ZNF557: variants seen among roughly 807,000 people sequenced by gnomAD.
ZNF557 encodes zinc finger protein 557.
A neutral mutation model predicts 21.2 loss-of-function variants in ZNF557; 19 were observed. The observed-to-expected ratio is 0.90, with a 90% CI of 0.63 to 1.32. The LOEUF (loss-of-function observed/expected upper bound fraction) is 1.32, where lower values mean the gene tolerates loss of function less well. Among genes scored for constraint, ZNF557 ranks in the 40% most tolerant of loss-of-function variants. ZNF557 has a pLI of 0.00. For synonymous variants in ZNF557, 207 were observed against 194.8 expected (o/e 1.06, Z -0.52); for missense variants, 487 against 519.8 (o/e 0.94, Z 0.61).
chr19:7,081,406 A>G lies in ZNF557; in HGVS notation c.294A>G (p.Glu98=), dbSNP rs766846013. ...GGCTGATCTCCCAGCTGGAGCAAGA[A>G]GATAAAGTGATGACAGAAGAGAGAG... The part of the protein sequence containing the change: ...KPRLISQLEQ[E]DKVMTEERGI... Residue 98 remains glutamate (E), a synonymous_variant, in exon 6 of 8, where the codon GAA becomes GAG. Transcript: ENST00000252840. 6.2e-7 allele frequency: 1 copy of G among 1,614,016 alleles called. No homozygotes were observed. Among genetic ancestry groups the G allele is most frequent in the Non-Finnish European group, 8.5e-7 (1 of 1,179,948 alleles).
At position 7,076,490 on chromosome 19, in the gene ZNF557, G is replaced by A; in HGVS notation, c.230G>A (p.Arg77Lys). The change falls in exon 5 of 8, where the codon AGG (arginine) becomes AAG (lysine). Residue 77 changes from arginine (R) to lysine (K), a missense_variant. By Grantham distance (26) the Arg-to-Lys change is conservative. Coordinates refer to ENST00000252840, the MANE Select transcript of ZNF557 (RefSeq NM_024341.3). ...AGGGACGTGATGCTGGAGAACTGCA[G>A]GAACCTGGCCTCACTGGGTAAGCCT... ...LYRDVMLENCRNLASLGNQVD... is the reference protein window; with the variant it reads ...LYRDVMLENCKNLASLGNQVD... 6.2e-7 allele frequency: 1 copy of A among 1,614,108 alleles called. No homozygotes were observed. Among genetic ancestry groups the A allele is most frequent in the South Asian group, 1.1e-5 (1 of 91,078 alleles).
intron 2 of ZNF557, among the ~76,000 whole-genome samples, chr19:7,071,989 G>A (rs1210388595): frequency 6.7e-6 from 1 of 150,366 alleles, no homozygotes; most frequent in Non-Finnish European, 1.5e-5. Context: ...GGTGGCAGGC[G>A]CCTGTAGTCC....
In ZNF557 at chr19:7,083,211, C is replaced by T. The variant is rs371721869; in HGVS notation, c.760C>T (p.His254Tyr). The change falls in exon 8 of 8, where the codon CAC becomes TAC. Residue 254 changes from histidine to tyrosine, a missense_variant. His to Tyr is a moderately conservative substitution (Grantham distance 83). Transcript: ENST00000252840. Reference sequence around the variant, plus strand: ...CAGCAATTCCTCATACCTCAGACCGCACTTGAGAATTCACACTGGAGAAAA... The same window carrying T: ...CAGCAATTCCTCATACCTCAGACCGTACTTGAGAATTCACACTGGAGAAAA... ...TFSNSSYLRP[H>Y]LRIHTGEKPY... is the part of the protein sequence containing the mutation. 4 of 1,614,120 alleles carry T rather than the reference C, an allele frequency of 2.5e-6. No homozygotes were observed. The highest frequency in any genetic ancestry group is 3.4e-6 in the Non-Finnish European group (4 of 1,180,054).
Position 7,087,168 on chromosome 19 carries a change from T to C in ZNF557, c.*3424T>C, listed in dbSNP as rs972883545. 2.1e-5 allele frequency: 3 copies of C among 143,820 alleles called. No homozygotes were observed. The highest frequency in any genetic ancestry group is 4.5e-5 in the Non-Finnish European group (3 of 66,284). 8.9% of individuals were successfully genotyped at this position (143,820 alleles called of 1,614,324 possible). ...CTCATCTATTTTCTTTTCATTCTTTTGGAAAGTGGACACAAAGCATAGAGT... is the reference window on the plus strand; with the variant it reads ...CTCATCTATTTTCTTTTCATTCTTTCGGAAAGTGGACACAAAGCATAGAGT... On this transcript the variant is annotated 3_prime_UTR_variant, in exon 8 of 8. Transcript: ENST00000252840.
Position 7,083,406 on chromosome 19 carries a change from C to G in ZNF557, c.955C>G (p.Pro319Ala), listed in dbSNP as rs942617679. ...CTATAGCATTCATACAGGGGAGTAC[C>G]CTTACGAATGCCACGATTGTGGGAG... ...SHYSIHTGEY[P>A]YECHDCGRTF... The change falls in exon 8 of 8, where the codon CCT becomes GCT. Residue 319 changes from proline to alanine, a missense_variant. Pro to Ala is a conservative substitution (Grantham distance 27). Coordinates refer to ENST00000252840, the MANE Select transcript of ZNF557 (RefSeq NM_024341.3). The G allele has an allele frequency of 6.2e-7, 1 of 1,614,104 alleles. No individual in the cohort carries two copies. The highest frequency in any genetic ancestry group is 8.5e-7 in the Non-Finnish European group (1 of 1,180,040).
In ZNF557 at chr19:7,087,226, T is replaced by TTTTTTTTTTTTTTTTTTTTG. The variant is rs1555730813; in HGVS notation, c.*3482_*3483insTTTTTTTTTTTTTTTTTTTG. 1 of 87,560 alleles carries TTTTTTTTTTTTTTTTTTTTG rather than the reference T, an allele frequency of 1.1e-5. No individual in the cohort carries two copies. The highest frequency in any genetic ancestry group is 2.1e-5 in the Non-Finnish European group (1 of 47,462). 5.4% of individuals were successfully genotyped at this position (87,560 alleles called of 1,614,324 possible). A position where few individuals can be genotyped will look rare whatever the true frequency, so the allele number is the denominator to read the frequency against. The stretch of plus-strand genomic sequence containing the variant: ...GCTTTTTTTTTTTTTTTTTTTTTTT[T>TTTTTTTTTTTTTTTTTTTTG]CTTCACTGTGGTGATAAAAACCACA... On this transcript the variant is annotated 3_prime_UTR_variant, in exon 8 of 8. Coordinates refer to ENST00000252840, the MANE Select transcript of ZNF557 (RefSeq NM_024341.3).
rs772829783 is a variant in ZNF557, at chr19:7,081,500, C to T, written c.343+45C>T. 9.9e-6 allele frequency: 13 copies of T among 1,316,900 alleles called. No homozygotes were observed. The East Asian group carries it at 2.3e-4, about 23-fold the overall frequency. The allele number at this position is 1,316,900 out of a possible 1,614,324, so 81.6% of individuals were successfully genotyped here. ...AAGTCCTTGTGAGGAACAGCTCTGG[C>T]CAGGGACTGAGAAGTTGGGAGTATT... On this transcript the variant is annotated intron_variant, in intron 6 of 7. Coordinates refer to ENST00000252840, the MANE Select transcript of ZNF557 (RefSeq NM_024341.3).
intron 2 of ZNF557, among the ~76,000 whole-genome samples, chr19:7,071,758 C>A (rs1977463178): frequency 7.4e-6 from 1 of 134,678 alleles, no homozygotes; most frequent in Non-Finnish European, 1.5e-5. Flanking sequence ...CAAGATGGCA[C>A]CGCTGCACTT....
At chr19:7,076,528 G>T (rs753495762) in intron 5 of ZNF557, 21 bp downstream of exon 5, 1 of 1,606,072 alleles carries the variant, frequency 6.2e-7, no homozygotes, top group African/African-American at 1.3e-5. Flanking sequence ...TGTCATTCCT[G>T]CATTTATTTA....
At chr19:7,077,899 A>T (rs1307617804) in intron 5 of ZNF557, among the ~76,000 whole-genome samples, 1 of 152,202 alleles carries the variant, frequency 6.6e-6, no homozygotes, top group Non-Finnish European at 1.5e-5. Flanking sequence ...CCTAAAAAAA[A>T]TGATGAGATT....
intron 5 of ZNF557, among the ~76,000 whole-genome samples, chr19:7,077,376 T>C (rs1977608150): frequency 6.6e-6 from 1 of 152,252 alleles, no homozygotes; most frequent in Non-Finnish European, 1.5e-5. Flanking sequence ...CCTCAAGTGA[T>C]CCACCCACCT....
At position 7,083,814 on chromosome 19, in the gene ZNF557, GAT is replaced by G; in HGVS notation, c.*71_*72del. 2 of 1,514,092 alleles carry G rather than the reference GAT, an allele frequency of 1.3e-6. No individual in the cohort carries two copies. The highest frequency in any genetic ancestry group is 1.8e-6 in the Non-Finnish European group (2 of 1,127,884). The allele number at this position is 1,514,092 out of a possible 1,614,324, so 93.8% of individuals were successfully genotyped here. A position where few individuals can be genotyped will look rare whatever the true frequency, so the allele number is the denominator to read the frequency against. ...AGATAACATGAGCAAACTCTAACAA[GAT>G]GTATGAATCACCTGCTACTGTGTAA... is the stretch of plus-strand genomic sequence containing the variant. On this transcript the variant is annotated 3_prime_UTR_variant, in exon 8 of 8. Transcript: ENST00000252840.
At position 7,071,441 on chromosome 19, in the gene ZNF557, C is replaced by CA. The variant is rs1568404768; in HGVS notation, c.-80+791dup. 3.3e-5 allele frequency among the ~76,000 whole-genome samples: 5 copies of CA among 152,296 alleles called. No homozygotes were observed. The South Asian group carries it at 1.0e-3, about 32-fold the overall frequency. Reference sequence around the variant, plus strand: ...TGTGGTTAATGCCCCTATTGAACAGCAAAGATTAAGATCATTTCCATCATC... The same window carrying CA: ...TGTGGTTAATGCCCCTATTGAACAGCAAAAGATTAAGATCATTTCCATCATC... On this transcript the variant is annotated intron_variant, in intron 2 of 7. Transcript: ENST00000252840.
At chr19:7,072,422 C>A (rs1432576894) in intron 2 of ZNF557, among the ~76,000 whole-genome samples, 2 of 152,196 alleles carry the variant, frequency 1.3e-5, no homozygotes, top group Non-Finnish European at 2.9e-5. Flanking sequence ...AAGACTGTCT[C>A]AAAATAAATA....
chr19:7,079,342 C>A (rs1281658547), intron 5 of ZNF557, among the ~76,000 whole-genome samples: 1 of 150,820 alleles, frequency 6.6e-6, no homozygotes, highest in Non-Finnish European at 1.5e-5. Context: ...CCCAGGTTCA[C>A]GCCATTCTCC....
intron 2 of ZNF557, among the ~76,000 whole-genome samples, chr19:7,071,824 A>AAAAAG (rs1977466352): frequency 3.0e-5 from 4 of 131,388 alleles, no homozygotes; most frequent in Non-Finnish European, 4.9e-5. Flanking sequence ...AAAAAAAAAA[A>AAAAAG]GCTGGGCATG....
intron 5 of ZNF557, among the ~76,000 whole-genome samples, chr19:7,080,296 T>TC (rs1977672569): frequency 6.6e-6 from 1 of 152,136 alleles, no homozygotes; most frequent in Non-Finnish European, 1.5e-5. Context: ...AGAGCAAGAC[T>TC]CCATCTTGTG....
chr19:7,079,148 G>A (rs868365250), intron 5 of ZNF557, among the ~76,000 whole-genome samples: 15 of 151,176 alleles, frequency 9.9e-5, no homozygotes, highest in Admixed American at 3.3e-4. Context: ...ATTTGAAGTC[G>A]TTGCCTAATA....
intron 1 of ZNF557, among the ~76,000 whole-genome samples, chr19:7,070,135 A>C (rs1180060560): frequency 6.6e-6 from 1 of 152,236 alleles, no homozygotes; most frequent in Non-Finnish European, 1.5e-5. Flanking sequence ...AGACTCATCC[A>C]GCCCCAAATG....
Sources: allele counts gnomAD v4.1 joint callset (sites outside exome capture counted in the v4.1 genomes callset), GRCh38; gene constraint gnomAD v4.1.1; transcripts MANE v1.5; gene names NCBI Gene and HGNC (gene_info 2026-07-23, HGNC 2026-07-21).